The following LAMA3 variants were observed in gnomAD, a reference collection of about 807,000 sequenced individuals.
LAMA3 encodes laminin subunit alpha-3.
Under a neutral mutation model 402.0 loss-of-function variants are expected in LAMA3, and 281 were observed. That is an observed-to-expected ratio of 0.70 (90% confidence interval 0.63 to 0.77). The LOEUF is 0.77. Among genes scored for constraint, LAMA3 ranks in the 30% least tolerant of loss-of-function variants. The pLI is 0.00. For synonymous variants in LAMA3, 1,431 were observed against 1,558.4 expected (o/e 0.92, Z 1.93); for missense variants, 3,840 against 4,215.5 (o/e 0.91, Z 2.47).
chr18:23,781,593 C>CA (rs983856537), intron 11 of LAMA3, among the ~76,000 whole-genome samples: 24 of 152,136 alleles, frequency 1.6e-4, no homozygotes, highest in Non-Finnish European at 5.9e-5. Context: ...TGTGACAAGA[C>CA]AAAAGAGCTT....
Position 23,894,348 on chromosome 18 carries a change from G to A in LAMA3, c.5461G>A (p.Asp1821Asn). ...TAGCAGCCCTGCAGAAGAATGTGAT[G>A]GTGAGAAAAGAAAGCCCCTCCTCCT... ...KDSSPAEECDDCDSCVMTLLN... is the reference protein window; with the variant it reads ...KDSSPAEECDNCDSCVMTLLN... Residue 1821 changes from aspartate (D) to asparagine (N), a missense_variant and splice_region_variant, in exon 43 of 75, where the codon GAT becomes AAT. By Grantham distance (23) the Asp-to-Asn change is conservative (BLOSUM62 1). Coordinates refer to ENST00000313654, the MANE Select transcript of LAMA3 (RefSeq NM_198129.4). 2 of 1,612,880 alleles carry A rather than the reference G, an allele frequency of 1.2e-6. No individual in the cohort carries two copies.
intron 64 of LAMA3, among the ~76,000 whole-genome samples, 187 bp from the exon 65 acceptor site, chr18:23,930,875 T>A (rs1012803823): frequency 2.6e-5 from 4 of 152,208 alleles, no homozygotes; most frequent in Non-Finnish European, 5.9e-5. Flanking sequence ...TGCATAAGAT[T>A]TTTATATTTA....
chr18:23,854,952 T>C (rs1462213169), intron 32 of LAMA3, among the ~76,000 whole-genome samples: 1 of 151,954 alleles, frequency 6.6e-6, no homozygotes, highest in Non-Finnish European at 1.5e-5. Flanking sequence ...GCCACTGCAC[T>C]CCAGCCTGGT....
intron 12 of LAMA3, among the ~76,000 whole-genome samples, chr18:23,807,988 A>G (rs573949791): frequency 7.2e-5 from 11 of 152,328 alleles, no homozygotes; most frequent in African/African-American, 2.6e-4. Flanking sequence ...GCAGTAGGAG[A>G]TCTGAGTGTT....
chr18:23,873,152 A>G, intron 38 of LAMA3: 1 of 1,614,222 alleles, frequency 6.2e-7, no homozygotes, highest in Non-Finnish European at 8.5e-7. Flanking sequence ...AAAGGGTGCC[A>G]TTTCTTCAGC....
rs747639544 is a variant in LAMA3 at position 23,901,299 on chromosome 18, C to T, written c.6177C>T (p.Asn2059=). The change falls in exon 48 of 75, where the codon AAC becomes AAT. Residue 2059 remains asparagine (N), a synonymous_variant. Transcript: ENST00000313654. ...AKQANGLNQE[N]ERALGAIQRQ... ...AGGCAAATGGCTTGAACCAAGAAAA[C>T]GAGAGAGCTTTGGGAGCCATTCAGG... The T allele has an allele frequency of 5.8e-5, 93 of 1,613,928 alleles. No individual in the cohort carries two copies. Among genetic ancestry groups the T allele is most frequent in the Non-Finnish European group, 7.5e-5 (89 of 1,180,000 alleles).
chr18:23,827,207 T>G, intron 22 of LAMA3, 107 bp from the exon 23 acceptor site: 1 of 1,160,958 alleles, frequency 8.6e-7, no homozygotes, highest in Non-Finnish European at 1.3e-6. Context: ...GGATGATGAA[T>G]GAATGAGTGA....
At chr18:23,729,877 C>T (rs549693821) in intron 2 of LAMA3, among the ~76,000 whole-genome samples, 38 of 152,344 alleles carry the variant, frequency 2.5e-4, no homozygotes, top group Non-Finnish European at 4.0e-4. Context: ...TGGCAATGTA[C>T]GTGACGCTCC....
chr18:23,842,611 G>A lies in LAMA3; in HGVS notation c.3464G>A (p.Gly1155Asp), dbSNP rs138043403. The A allele has an allele frequency of 1.2e-6, 2 of 1,614,070 alleles. No individual in the cohort carries two copies. The highest frequency in any genetic ancestry group is 3.3e-5 in the Admixed American group (2 of 60,004). The change falls in exon 29 of 75, where the codon GGC becomes GAC. Residue 1155 changes from glycine to aspartate, a missense_variant and splice_region_variant. Transcript: ENST00000313654. ...GAAAGTCTCTCTCTCTCTCTGCCAGGCTCCTTCCATGCCTCTTTTTGCCCC... is the reference window on the plus strand; with the variant it reads ...GAAAGTCTCTCTCTCTCTCTGCCAGACTCCTTCCATGCCTCTTTTTGCCCC... ...VSVDGGWPRA[G>D]SFHASFCPHV...
At chr18:23,838,617 C>G (rs1273103436) in intron 25 of LAMA3, among the ~76,000 whole-genome samples, 164 bp from the exon 26 acceptor site, 1 of 152,162 alleles carries the variant, frequency 6.6e-6, no homozygotes, top group Non-Finnish European at 1.5e-5. Context: ...ATAATGATGC[C>G]TGAGGACATG....
chr18:23,759,539 A>G (rs1317408176), intron 7 of LAMA3, among the ~76,000 whole-genome samples: 1 of 152,022 alleles, frequency 6.6e-6, no homozygotes, highest in Admixed American at 6.6e-5. Flanking sequence ...GGGATTACAG[A>G]CACCTGCCAC....
At chr18:23,926,722 T>C (rs1188110487) in intron 62 of LAMA3, among the ~76,000 whole-genome samples, 4 of 152,222 alleles carry the variant, frequency 2.6e-5, no homozygotes, top group African/African-American at 4.8e-5. Flanking sequence ...CTTCAGTTAG[T>C]TCATGTGTGT....
rs760360445 is a variant in LAMA3, at chr18:23,827,385, T to G, written c.2741T>G (p.Leu914Arg). The G allele has an allele frequency of 1.2e-6, 2 of 1,614,242 alleles. No individual in the cohort carries two copies. Among genetic ancestry groups the G allele is most frequent in the Non-Finnish European group, 8.5e-7 (1 of 1,180,042 alleles). ...CTLACEARHF[L>R]LDGEPRPVAV... ...CTGGCTTGTGAGGCCAGACACTTCC[T>G]GCTTGATGGGGAGCCAAGACCCGTG... Residue 914 changes from leucine to arginine, a missense_variant, in exon 23 of 75, where the codon CTG becomes CGG. By Grantham distance (102) the Leu-to-Arg change is moderately radical (BLOSUM62 -2). Around this residue, in one of 3 missense-constraint regions of LAMA3, gnomAD observed 2,109 missense variants for 2,376.0 expected, o/e 0.89. Coordinates refer to ENST00000313654, the MANE Select transcript of LAMA3 (RefSeq NM_198129.4).
At position 23,845,110 on chromosome 18, in the gene LAMA3, C is replaced by T. The variant is rs774985472; in HGVS notation, c.3705C>T (p.Asn1235=). 6.3e-7 allele frequency: 1 copy of T among 1,593,200 alleles called. No individual in the cohort carries two copies. Among genetic ancestry groups the T allele is most frequent in the South Asian group, 1.1e-5 (1 of 90,682 alleles). The stretch of plus-strand genomic sequence containing the variant: ...AGTTTATCACCAATTGTGGAAAAAA[C>T]AGCTTTTACCTTGAGTGAGTATCAC... ...SLEFITNCGK[N]SFYLDPQTAS... Residue 1235 remains asparagine (N), a synonymous_variant, in exon 30 of 75, where the codon AAC becomes AAT. Coordinates refer to ENST00000313654, the MANE Select transcript of LAMA3 (RefSeq NM_198129.4).
intron 34 of LAMA3, among the ~76,000 whole-genome samples, chr18:23,859,329 G>T (rs116823151): frequency 4.3e-4 from 66 of 152,284 alleles, no homozygotes; most frequent in African/African-American, 1.3e-3. Flanking sequence ...ACACTCCGGG[G>T]TGTCCTGCAA....
chr18:23,735,369 T>C (rs552951518), intron 2 of LAMA3, among the ~76,000 whole-genome samples: 1 of 152,348 alleles, frequency 6.6e-6, no homozygotes, highest in South Asian at 2.1e-4. Flanking sequence ...TCATTCTGTC[T>C]CCACAGGAAG....
In LAMA3 at chr18:23,858,740, T is replaced by G. The variant is rs374611660; in HGVS notation, c.4333T>G (p.Leu1445Val). ...TGTGTGTCGAGAAGGCTCATTCCATTTGGACCCAGCCAATCTCAAGGGTTG... is the reference window on the plus strand; with the variant it reads ...TGTGTGTCGAGAAGGCTCATTCCATGTGGACCCAGCCAATCTCAAGGGTTG... ...CNVCREGSFHLDPANLKGCTS... is the reference protein window; with the variant it reads ...CNVCREGSFHVDPANLKGCTS... Residue 1445 changes from leucine to valine, a missense_variant, in exon 34 of 75, where the codon TTG becomes GTG. Physicochemically the swap from Leu to Val is conservative, Grantham distance 32 (BLOSUM62 1). Transcript: ENST00000313654. 1 of 1,613,924 alleles carries G rather than the reference T, an allele frequency of 6.2e-7. No homozygotes were observed. Among genetic ancestry groups the G allele is most frequent in the African/African-American group, 1.3e-5 (1 of 74,924 alleles).
chr18:23,880,650 G>A (rs542304846), intron 39 of LAMA3, among the ~76,000 whole-genome samples: 20 of 152,276 alleles, frequency 1.3e-4, no homozygotes, highest in South Asian at 4.1e-4. Flanking sequence ...AGGCCGAGGC[G>A]GGCGAATCAT....
chr18:23,729,099 T>C (rs112197669), intron 2 of LAMA3, among the ~76,000 whole-genome samples: 4 of 146,870 alleles, frequency 2.7e-5, no homozygotes, highest in African/African-American at 1.0e-4. Context: ...TTTTAAAAAG[T>C]GCATATGATG....
Sources: allele counts gnomAD v4.1 joint callset (sites outside exome capture counted in the v4.1 genomes callset), GRCh38; gene constraint gnomAD v4.1.1; regional missense constraint gnomAD v4.1.1; transcripts MANE v1.5; gene names NCBI Gene and HGNC (gene_info 2026-07-23, HGNC 2026-07-21).